CADPS: variants seen among roughly 807,000 people sequenced by gnomAD.
CADPS encodes calcium-dependent secretion activator 1.
A neutral mutation model predicts 167.3 loss-of-function variants in CADPS; 57 were observed. The ratio of observed to expected loss-of-function variants is 0.34; its 90% CI spans 0.28 to 0.42. The LOEUF (loss-of-function observed/expected upper bound fraction) is 0.42. Among genes scored for constraint, CADPS ranks in the 20% least tolerant of loss-of-function variants. The pLI is 1.00. For synonymous variants in CADPS, 676 were observed against 635.3 expected (o/e 1.06, Z -0.96); for missense variants, 1,414 against 1,738.1 (o/e 0.81, Z 3.32).
chr3:62,442,628 C>T (rs745553039), intron 27 of CADPS, among the ~76,000 whole-genome samples: 11 of 152,106 alleles, frequency 7.2e-5, no homozygotes, highest in Non-Finnish European at 1.3e-4. Context: ...TTTGAGCTAC[C>T]AATGTGCTCT....
rs150200168 is a variant in CADPS, at chr3:62,597,516, C to A, written c.1326-4768G>T. ...AGCCCAGTGTCCTGGAGATACCCCACTGTATGTTTCCATGCTACTGTCCTC... is the reference window on the plus strand; with the variant it reads ...AGCCCAGTGTCCTGGAGATACCCCAATGTATGTTTCCATGCTACTGTCCTC... On this transcript the variant is annotated intron_variant, in intron 6 of 29. Coordinates refer to ENST00000383710, the MANE Select transcript of CADPS (RefSeq NM_003716.4). Among the ~76,000 whole-genome samples the A allele has an allele frequency of 3.7e-3, 569 of 152,278 alleles. 5 individuals are homozygous for A. The highest frequency in any genetic ancestry group is 0.013 in the African/African-American group (538 of 41,554).
intron 6 of CADPS, among the ~76,000 whole-genome samples, chr3:62,595,990 C>G (rs1357107888): frequency 6.6e-6 from 1 of 152,050 alleles, no homozygotes; most frequent in African/African-American, 2.4e-5. Context: ...GGGACTCAGA[C>G]TGGCTCTTCT....
At chr3:62,563,112 G>GT in intron 9 of CADPS, among the ~76,000 whole-genome samples, 1 of 152,194 alleles carries the variant, frequency 6.6e-6, no homozygotes, top group African/African-American at 2.4e-5. Flanking sequence ...AGTTTAATTA[G>GT]TTAACCAATA....
In CADPS at chr3:62,436,241, T is replaced by A. The variant is rs112970514; in HGVS notation, c.3777+1863A>T. Among the ~76,000 whole-genome samples the A allele has an allele frequency of 1.3e-3, 203 of 152,220 alleles. 1 individual carries two copies. The highest frequency in any genetic ancestry group is 4.5e-3 in the African/African-American group (187 of 41,536). Reference sequence around the variant, plus strand: ...TTAAGTAACAAGCTAAACTGCAGATTAAACATCAAATTCAGTACTAGATTT... The same window carrying A: ...TTAAGTAACAAGCTAAACTGCAGATAAAACATCAAATTCAGTACTAGATTT... On this transcript the variant is annotated intron_variant, in intron 28 of 29. Coordinates refer to ENST00000383710, the MANE Select transcript of CADPS (RefSeq NM_003716.4).
Position 62,478,090 on chromosome 3 carries a change from G to C in CADPS, c.3329+171C>G, listed in dbSNP as rs2061545149. On this transcript the variant is annotated intron_variant, in intron 23 of 29. Coordinates refer to ENST00000383710, the MANE Select transcript of CADPS (RefSeq NM_003716.4). This position sits in a 1 kb window ranked among gnomAD's most constrained non-coding sequence, Gnocchi z 5.7. Reference sequence around the variant, plus strand: ...TGGGTTTGGGACAGATGGAGGGCAGGTGAATGGAAGTTAGACGTTGACAGC... The same window carrying C: ...TGGGTTTGGGACAGATGGAGGGCAGCTGAATGGAAGTTAGACGTTGACAGC... 25 of 663,128 alleles carry C rather than the reference G, an allele frequency of 3.8e-5. No homozygotes were observed. The South Asian group carries it at 5.8e-4, about 15-fold the overall frequency. 41.1% of individuals were successfully genotyped at this position (663,128 alleles called of 1,614,324 possible).
At chr3:62,548,989 C>G (rs902811674) in intron 11 of CADPS, among the ~76,000 whole-genome samples, 1 of 152,182 alleles carries the variant, frequency 6.6e-6, no homozygotes, top group Non-Finnish European at 1.5e-5. Flanking sequence ...CTTGTCTGTC[C>G]TTCTCATTAG....
chr3:62,822,763 A>G (rs1576905575), intron 1 of CADPS, among the ~76,000 whole-genome samples: 1 of 152,058 alleles, frequency 6.6e-6, no homozygotes. Context: ...AACGGCTTGA[A>G]CCTGGGAGGT....
intron 17 of CADPS, among the ~76,000 whole-genome samples, chr3:62,504,032 G>A (rs533314574): frequency 3.1e-4 from 47 of 152,206 alleles, no homozygotes; most frequent in Admixed American, 1.6e-3. Context: ...GTAGGAAATG[G>A]AATTCTAGTG....
chr3:62,627,323 T>C (rs968096837), intron 6 of CADPS, among the ~76,000 whole-genome samples: 18 of 152,284 alleles, frequency 1.2e-4, no homozygotes, highest in African/African-American at 4.3e-4. Flanking sequence ...TCTTTTTAAT[T>C]TTCTAGTGCT....
At chr3:62,572,308 C>CT (rs2152462230) in intron 8 of CADPS, among the ~76,000 whole-genome samples, 1 of 152,214 alleles carries the variant, frequency 6.6e-6, no homozygotes, top group Admixed American at 6.5e-5. Flanking sequence ...TTTTTACCTC[C>CT]TGGGGAGTTC....
intron 1 of CADPS, among the ~76,000 whole-genome samples, chr3:62,854,323 T>A (rs2079220110): frequency 6.6e-6 from 1 of 152,230 alleles, no homozygotes; most frequent in Non-Finnish European, 1.5e-5. Flanking sequence ...GTGAAGGTCA[T>A]GGCAAGCAAT....
rs2054443002 is a variant in CADPS at position 62,433,770 on chromosome 3, G to T, written c.3777+4334C>A. Among the ~76,000 whole-genome samples, 5 of 152,106 alleles carry T rather than the reference G, an allele frequency of 3.3e-5. No homozygotes were observed. In the South Asian group the frequency reaches 1.0e-3, roughly 32 times the overall value. On this transcript the variant is annotated intron_variant, in intron 28 of 29. Transcript: ENST00000383710. This position sits in a 1 kb window ranked among gnomAD's most constrained non-coding sequence, Gnocchi z 4.7. ...CAGTCTGTGTCTTCAAGAAGTACAA[G>T]GAAGAAAGAAAATTAATTTTTGTTT...
At chr3:62,604,480 T>C (rs1453287688) in intron 6 of CADPS, among the ~76,000 whole-genome samples, 2 of 152,230 alleles carry the variant, frequency 1.3e-5, no homozygotes, top group Admixed American at 6.5e-5. Context: ...CCTATTCAGC[T>C]GTGAAAGCTT....
chr3:62,779,698 T>C (rs2091173456), intron 1 of CADPS: 3 of 484,222 alleles, frequency 6.2e-6, no homozygotes, highest in Non-Finnish European at 1.3e-5. Context: ...TTCTGATCAA[T>C]AACATCTACA....
At chr3:62,814,598 C>T (rs2094530022) in intron 1 of CADPS, 1 of 152,028 alleles carries the variant, frequency 6.6e-6, no homozygotes. Flanking sequence ...TTATAAATTT[C>T]CACACCTCTA....
At chr3:62,521,129 G>T (rs1321568469) in intron 13 of CADPS, among the ~76,000 whole-genome samples, 1 of 152,126 alleles carries the variant, frequency 6.6e-6, no homozygotes, top group Non-Finnish European at 1.5e-5. Context: ...AGAGCTGGGG[G>T]GTAGGGGTTG....
At chr3:62,576,844 T>C (rs1020346280) in intron 8 of CADPS, among the ~76,000 whole-genome samples, 5 of 126,256 alleles carry the variant, frequency 4.0e-5, no homozygotes, top group African/African-American at 1.6e-4. Context: ...GAGTAAATAA[T>C]TTTGGGTGCA....
At chr3:62,541,457 C>T (rs2075678751) in intron 11 of CADPS, among the ~76,000 whole-genome samples, 1 of 152,122 alleles carries the variant, frequency 6.6e-6, no homozygotes, top group South Asian at 2.1e-4. Context: ...GCTATTGGTA[C>T]TGACATTAAG....
chr3:62,453,965 G>T (rs2058387769), intron 26 of CADPS, among the ~76,000 whole-genome samples: 1 of 152,134 alleles, frequency 6.6e-6, no homozygotes. Context: ...GAGGGCCAGA[G>T]TTTGTAAATG....
Sources: allele counts gnomAD v4.1 joint callset (sites outside exome capture counted in the v4.1 genomes callset), GRCh38; gene constraint gnomAD v4.1.1; non-coding constraint Gnocchi (gnomAD v3.1); transcripts MANE v1.5; gene names NCBI Gene and HGNC (gene_info 2026-07-23, HGNC 2026-07-21).